CERS6: variants seen among roughly 807,000 people sequenced by gnomAD.
CERS6 encodes LAG1 homolog, ceramide synthase 6.
Under a neutral mutation model 56.8 loss-of-function variants are expected in CERS6, and 26 were observed. That is an observed-to-expected ratio of 0.46 (90% confidence interval 0.34 to 0.63). The LOEUF (loss-of-function observed/expected upper bound fraction) is 0.63. Ranked by LOEUF, CERS6 falls within the 30% of genes least tolerant of loss-of-function variation. The pLI is 0.01. For synonymous variants in CERS6, 164 were observed against 173.3 expected, an observed-to-expected ratio of 0.95 and a Z score of 0.42; for missense variants, 415 against 467.5, an observed-to-expected ratio of 0.89 and a Z score of 1.04.
chr2:168,603,544 G>A (rs999767501), intron 3 of CERS6, among the ~76,000 whole-genome samples: 96 of 152,144 alleles, frequency 6.3e-4, no homozygotes, highest in African/African-American at 2.2e-4. Flanking sequence ...TAAACTGGCC[G>A]TACCAGATTT....
intron 4 of CERS6, among the ~76,000 whole-genome samples, chr2:168,669,268 A>G (rs970693754): frequency 1.3e-5 from 2 of 152,176 alleles, no homozygotes; most frequent in African/African-American, 2.4e-5. Context: ...CAATGAAACA[A>G]TTCCCCAAAA....
chr2:168,702,887 A>G (rs1686839008), intron 6 of CERS6, among the ~76,000 whole-genome samples: 1 of 152,188 alleles, frequency 6.6e-6, no homozygotes, highest in Non-Finnish European at 1.5e-5. Flanking sequence ...CTGGGTTTTC[A>G]CCAAATACTT....
chr2:168,731,506 T>C (rs1178767498), intron 8 of CERS6, among the ~76,000 whole-genome samples: 3 of 152,116 alleles, frequency 2.0e-5, no homozygotes, highest in Non-Finnish European at 2.9e-5. Flanking sequence ...CATGGAAATA[T>C]AAGGGTATTT....
chr2:168,685,154 G>A (rs75302042), intron 4 of CERS6, among the ~76,000 whole-genome samples: 2,928 of 152,202 alleles, frequency 0.019, 111 homozygotes, highest in African/African-American at 0.065. Flanking sequence ...GAGTTTTCAC[G>A]GAAATAGCAA....
At chr2:168,748,170 G>A (rs1463621723) in intron 8 of CERS6, among the ~76,000 whole-genome samples, 2 of 152,164 alleles carry the variant, frequency 1.3e-5, no homozygotes, top group Non-Finnish European at 2.9e-5. Context: ...ATGGTGTGTA[G>A]GATAAATTTC....
chr2:168,636,017 T>C (rs1378767354), intron 4 of CERS6, among the ~76,000 whole-genome samples: 1 of 152,206 alleles, frequency 6.6e-6, no homozygotes, highest in African/African-American at 2.4e-5. Context: ...ATTTAAGATT[T>C]TGTTCTCTGT....
At chr2:168,573,806 T>C (rs1366712722) in intron 3 of CERS6, among the ~76,000 whole-genome samples, 1 of 151,472 alleles carries the variant, frequency 6.6e-6, no homozygotes, top group East Asian at 1.9e-4. Flanking sequence ...ATAGTAGGAG[T>C]GGTTTTGGCT....
intron 3 of CERS6, among the ~76,000 whole-genome samples, chr2:168,582,270 C>T (rs779530157): frequency 2.6e-5 from 4 of 152,082 alleles, no homozygotes; most frequent in Non-Finnish European, 5.9e-5. Flanking sequence ...TAGATTCTTC[C>T]CCCTTTCCTC....
intron 8 of CERS6, among the ~76,000 whole-genome samples, chr2:168,752,686 C>G (rs1684309553): frequency 6.6e-6 from 1 of 152,218 alleles, no homozygotes; most frequent in Non-Finnish European, 1.5e-5. Context: ...TACTATCCGA[C>G]TTAAATGTCC....
chr2:168,769,839 C>T lies in CERS6; in HGVS notation c.*177C>T, dbSNP rs1405774861. The T allele has an allele frequency of 1.6e-6, 1 of 620,334 alleles. No individual in the cohort carries two copies. The highest frequency in any genetic ancestry group is 2.8e-6 in the Non-Finnish European group (1 of 363,266). 38.4% of individuals were successfully genotyped at this position (620,334 alleles called of 1,614,324 possible). ...CTGTCTGTGAATGAAGAAGAATTAC[C>T]ATTCTCTCTTTGTAGGCATGCTGTA... On this transcript the variant is annotated 3_prime_UTR_variant, in exon 10 of 10. Coordinates refer to ENST00000305747, the MANE Select transcript of CERS6 (RefSeq NM_203463.3).
In CERS6 at chr2:168,775,091, A is replaced by C. The variant is rs74801533; in HGVS notation, c.*5429A>C. On this transcript the variant is annotated 3_prime_UTR_variant, in exon 10 of 10. Coordinates refer to ENST00000305747, the MANE Select transcript of CERS6 (RefSeq NM_203463.3). ...CAATCATTATTATGAGGATCATTTT[A>C]CTTTGGAAACACTTTCATAATAAAG... is the stretch of plus-strand genomic sequence containing the variant. 5.7e-3 allele frequency: 870 copies of C among 152,312 alleles called. 5 individuals carry two copies. The highest frequency in any genetic ancestry group is 0.02 in the African/African-American group (813 of 41,564). 9.4% of individuals were successfully genotyped at this position (152,312 alleles called of 1,614,324 possible).
intron 4 of CERS6, among the ~76,000 whole-genome samples, chr2:168,636,846 A>G (rs16855607): frequency 0.017 from 2,623 of 152,264 alleles, 103 homozygotes; most frequent in East Asian, 0.16. Context: ...AGGGCATTCC[A>G]AGGCCAGTGA....
intron 2 of CERS6, among the ~76,000 whole-genome samples, chr2:168,559,732 ATC>A (rs1695750427): frequency 5.0e-4 from 4 of 7,938 alleles, no homozygotes; most frequent in South Asian, 0.014. Flanking sequence ...TTAGAAAGGT[ATC>A]ATATATATAT....
At chr2:168,756,819 CTT>C (rs987227292) in intron 8 of CERS6, among the ~76,000 whole-genome samples, 29 of 152,188 alleles carry the variant, frequency 1.9e-4, no homozygotes, top group African/African-American at 5.1e-4. Flanking sequence ...CGCGATCTGA[CTT>C]GGGGAATGTT....
intron 8 of CERS6, among the ~76,000 whole-genome samples, chr2:168,732,530 AG>A (rs1353799303): frequency 6.6e-6 from 1 of 152,230 alleles, no homozygotes; most frequent in East Asian, 1.9e-4. Context: ...TGAATGCCAA[AG>A]TAATACTTAT....
intron 1 of CERS6, among the ~76,000 whole-genome samples, chr2:168,512,675 T>C (rs978703724): frequency 1.0e-4 from 15 of 143,360 alleles, no homozygotes; most frequent in African/African-American, 3.4e-4. Flanking sequence ...TTTTCTTTTT[T>C]TTTTTTTTTA....
At chr2:168,624,319 G>A (rs936663941) in intron 3 of CERS6, among the ~76,000 whole-genome samples, 3 of 152,094 alleles carry the variant, frequency 2.0e-5, no homozygotes, top group Non-Finnish European at 4.4e-5. Flanking sequence ...GTCAAAATAA[G>A]ATTTTAATTT....
intron 8 of CERS6, among the ~76,000 whole-genome samples, chr2:168,719,136 A>AT: frequency 6.6e-6 from 1 of 152,320 alleles, no homozygotes; most frequent in Non-Finnish European, 1.5e-5. Context: ...CATTACCAGC[A>AT]CTGAGATGGT....
intron 1 of CERS6, among the ~76,000 whole-genome samples, chr2:168,492,983 T>C (rs1285376845): frequency 1.3e-5 from 2 of 152,166 alleles, no homozygotes; most frequent in Non-Finnish European, 2.9e-5. Context: ...TCTTTTTACT[T>C]CTCAATGGGA....
Sources: allele counts gnomAD v4.1 joint callset (sites outside exome capture counted in the v4.1 genomes callset), GRCh38; gene constraint gnomAD v4.1.1; transcripts MANE v1.5; gene names NCBI Gene and HGNC (gene_info 2026-07-23, HGNC 2026-07-21).